The following TJP1 variants were observed in gnomAD, a reference collection of about 807,000 sequenced individuals.
The protein encoded by TJP1 is tight junction protein 1, also known as tight junction protein ZO-1.
TJP1 carries 43 observed loss-of-function variants against 194.2 expected under a neutral mutation model. That is an observed-to-expected ratio of 0.22 (90% CI 0.17 to 0.29). TJP1 has a LOEUF of 0.29. Ranked by LOEUF, TJP1 falls within the 10% of genes least tolerant of loss-of-function variation. The pLI is 1.00. For missense variants in TJP1, 1,971 were observed against 2,185.7 expected, an observed-to-expected ratio of 0.90 and a Z score of 1.96; for synonymous variants, 801 against 779.0, an observed-to-expected ratio of 1.03 and a Z score of -0.47.
At chr15:29,894,367 G>C (rs771901481) in intron 2 of TJP1, among the ~76,000 whole-genome samples, 4 of 152,314 alleles carry the variant, frequency 2.6e-5, no homozygotes, top group Middle Eastern at 3.4e-3. Flanking sequence ...ACGGAGGCAG[G>C]AGAATCACTT....
At chr15:29,736,765 T>G (rs923008205) in intron 11 of TJP1, among the ~76,000 whole-genome samples, 1 of 152,194 alleles carries the variant, frequency 6.6e-6, no homozygotes, top group Non-Finnish European at 1.5e-5. Context: ...CTTACACATT[T>G]GCCTTTGATG....
chr15:29,824,549 CAGTG>C (rs144087787), upstream of TJP1, among the ~76,000 whole-genome samples: 775 of 151,520 alleles, frequency 5.1e-3, 29 homozygotes, highest in East Asian at 0.097. Flanking sequence ...GCCTGGGAAA[CAGTG>C]AGACCCCATT....
chr15:29,762,224 G>T, intron 6 of TJP1, 111 bp downstream of exon 6: 1 of 814,078 alleles, frequency 1.2e-6, no homozygotes, highest in Non-Finnish European at 1.9e-6. Context: ...CCCAAACACT[G>T]ATTTTTAATT....
intron 2 of TJP1, among the ~76,000 whole-genome samples, chr15:29,911,364 G>A (rs1228212725): frequency 6.6e-6 from 1 of 152,184 alleles, no homozygotes; most frequent in African/African-American, 2.4e-5. Flanking sequence ...AGAAGGAAGA[G>A]GCAGGAAAAT....
intron 10 of TJP1, 30 bp from the exon 11 acceptor site, chr15:29,737,444 G>A (rs367830845): frequency 3.7e-6 from 6 of 1,613,200 alleles, no homozygotes; most frequent in Non-Finnish European, 5.1e-6. Flanking sequence ...ATTTGAAACA[G>A]TTAAGAAGAG....
rs34650430 is a variant in TJP1, at chr15:29,820,159, CTTTTT to C, written c.27+1838_27+1842del. On this transcript the variant is annotated intron_variant, in intron 1 of 27. Coordinates refer to ENST00000614355, the MANE Select transcript of TJP1 (RefSeq NM_001330239.4). ...CAGCGAGCTTCCAAATTAATGTTGC[CTTTTT>C]TTTTTTTTTTTTCCAAACTGAAAGG... Among the ~76,000 whole-genome samples, 14 of 135,052 alleles carry C rather than the reference CTTTTT, an allele frequency of 1.0e-4. No homozygotes were observed. The East Asian group carries it at 2.8e-3, about 27-fold the overall frequency. 88.6% of individuals were successfully genotyped at this position (135,052 alleles called of 152,430 possible).
At chr15:29,851,168 A>G (rs1454526533) in intron 2 of TJP1, among the ~76,000 whole-genome samples, 2 of 151,970 alleles carry the variant, frequency 1.3e-5, no homozygotes, top group Non-Finnish European at 2.9e-5. Context: ...AAATTTTAAA[A>G]ATAAAATAAA....
intron 2 of TJP1, among the ~76,000 whole-genome samples, chr15:29,845,666 G>A (rs1259722347): frequency 1.3e-5 from 2 of 152,058 alleles, no homozygotes; most frequent in Non-Finnish European, 2.9e-5. Flanking sequence ...TTAGCCGGGC[G>A]TGGTGGCAGG....
chr15:29,877,085 T>G (rs1166088282), intron 2 of TJP1, among the ~76,000 whole-genome samples: 1 of 152,266 alleles, frequency 6.6e-6, no homozygotes, highest in Non-Finnish European at 1.5e-5. Flanking sequence ...ATTCTACAGC[T>G]AATGTTAACT....
intron 1 of TJP1, among the ~76,000 whole-genome samples, chr15:29,808,787 A>G (rs1043603959): frequency 7.9e-5 from 12 of 152,208 alleles, no homozygotes; most frequent in African/African-American, 2.9e-4. Flanking sequence ...TAAAAATTGA[A>G]TATCATCATT....
intron 2 of TJP1, among the ~76,000 whole-genome samples, chr15:29,952,916 C>A (rs1019435749): frequency 5.9e-5 from 9 of 152,108 alleles, no homozygotes; most frequent in African/African-American, 2.2e-4. Flanking sequence ...ATAAAGATTT[C>A]TATTCCTATG....
intron 2 of TJP1, among the ~76,000 whole-genome samples, chr15:29,795,097 C>CA (rs2048321928): frequency 6.6e-6 from 1 of 152,034 alleles, no homozygotes; most frequent in Non-Finnish European, 1.5e-5. Flanking sequence ...ATAATTTTAA[C>CA]AACTTACATG....
At chr15:29,967,345 A>G (rs1000765838) in intron 1 of TJP1, among the ~76,000 whole-genome samples, 5 of 151,700 alleles carry the variant, frequency 3.3e-5, no homozygotes, top group Admixed American at 3.3e-4. Flanking sequence ...ACATTAAAGT[A>G]TCTTTTGCAG....
chr15:29,753,721 G>C (rs1255738485), intron 8 of TJP1, among the ~76,000 whole-genome samples: 1 of 150,286 alleles, frequency 6.7e-6, no homozygotes, highest in Non-Finnish European at 1.5e-5. Flanking sequence ...CCATGGGAAA[G>C]AAGTCACTGA....
intron 2 of TJP1, among the ~76,000 whole-genome samples, chr15:29,891,990 G>A (rs768017067): frequency 1.3e-5 from 2 of 152,232 alleles, no homozygotes; most frequent in African/African-American, 4.8e-5. Flanking sequence ...AGGAAGCCAT[G>A]TCAAAAGATG....
chr15:29,841,318 T>C (rs2051216642), intron 2 of TJP1, among the ~76,000 whole-genome samples: 1 of 152,118 alleles, frequency 6.6e-6, no homozygotes, highest in South Asian at 2.1e-4. Context: ...AGGGGGAAAA[T>C]ATTTCAGCAA....
intron 2 of TJP1, among the ~76,000 whole-genome samples, chr15:29,867,685 T>C (rs970549510): frequency 6.6e-6 from 1 of 152,096 alleles, no homozygotes; most frequent in Non-Finnish European, 1.5e-5. Context: ...TGGGAGGACA[T>C]GGCAAGAGGG....
chr15:29,898,250 G>T (rs1007155152), intron 2 of TJP1, among the ~76,000 whole-genome samples: 1 of 152,104 alleles, frequency 6.6e-6, no homozygotes, highest in African/African-American at 2.4e-5. Flanking sequence ...TTAAAAATGG[G>T]GGTTTTCCTT....
chr15:29,705,385 A>T, intron 26 of TJP1, 143 bp downstream of exon 26: 1 of 813,866 alleles, frequency 1.2e-6, no homozygotes, highest in Non-Finnish European at 1.9e-6. Flanking sequence ...TGCTTGCAAC[A>T]CCGTCCCCAG....
Sources: allele counts gnomAD v4.1 joint callset (sites outside exome capture counted in the v4.1 genomes callset), GRCh38; gene constraint gnomAD v4.1.1; transcripts MANE v1.5; gene names NCBI Gene and HGNC (gene_info 2026-07-23, HGNC 2026-07-21).